Variants in IMMP2L observed in about 807,000 individuals in gnomAD.
IMMP2L encodes the protein mitochondrial inner membrane protease subunit 2.
IMMP2L carries 18 observed loss-of-function variants against 19.3 expected under a neutral mutation model. The ratio of observed to expected loss-of-function variants is 0.93; its 90% confidence interval spans 0.64 to 1.38. The LOEUF is 1.38. IMMP2L is among the 40% of genes most tolerant of loss of function. The probability of loss-of-function intolerance (pLI) is 0.00; values close to 1 mark genes in which losing one functional copy is unlikely to be tolerated. For synonymous variants in IMMP2L, 76 were observed against 73.0 expected, an observed-to-expected ratio of 1.04 and a Z score of -0.21; for missense variants, 233 against 218.2, an observed-to-expected ratio of 1.07 and a Z score of -0.43.
intron 3 of IMMP2L, among the ~76,000 whole-genome samples, chr7:111,191,298 G>A (rs1039655288): frequency 3.9e-5 from 6 of 151,900 alleles, no homozygotes; most frequent in African/African-American, 1.5e-4. Flanking sequence ...ATTTCATTTA[G>A]CCTCACAGAG....
chr7:111,441,130 GGCT>G (rs1837670045), intron 3 of IMMP2L, among the ~76,000 whole-genome samples: 1 of 151,816 alleles, frequency 6.6e-6, no homozygotes, highest in Non-Finnish European at 1.5e-5. Context: ...ACAGCAATAA[GGCT>G]ATTTCACTTT....
At chr7:110,714,776 T>C (rs1189408355) in intron 5 of IMMP2L, among the ~76,000 whole-genome samples, 1 of 152,140 alleles carries the variant, frequency 6.6e-6, no homozygotes, top group African/African-American at 2.4e-5. Flanking sequence ...TTTGTATTTT[T>C]AGTAGGGACA....
At chr7:110,920,296 G>A (rs1814123656) in intron 4 of IMMP2L, among the ~76,000 whole-genome samples, 1 of 152,154 alleles carries the variant, frequency 6.6e-6, no homozygotes, top group Non-Finnish European at 1.5e-5. Context: ...CCCTAATACA[G>A]TAGGTTTCTC....
Position 111,443,741 on chromosome 7 carries a change from T to G in IMMP2L, c.239+43497A>C, listed in dbSNP as rs1357033399. Among the ~76,000 whole-genome samples, 4 of 152,150 alleles carry G rather than the reference T, an allele frequency of 2.6e-5. 1 individual carries two copies. Among genetic ancestry groups the G allele is most frequent in the Non-Finnish European group, 5.9e-5 (4 of 68,016 alleles). ...TAATTCAAATATGTTCAGCTACCAC[T>G]CATTCTTCTTCCTATTTTTAAATGT... On this transcript the variant is annotated intron_variant, in intron 3 of 5. Transcript: ENST00000405709.
intron 3 of IMMP2L, among the ~76,000 whole-genome samples, chr7:111,074,387 A>T (rs1357937088): frequency 3.9e-5 from 6 of 152,200 alleles, no homozygotes; most frequent in African/African-American, 1.4e-4. Context: ...TAAACTTTTA[A>T]AGCAAGATTT....
chr7:111,082,331 A>C (rs1795952025), intron 3 of IMMP2L, among the ~76,000 whole-genome samples: 1 of 152,222 alleles, frequency 6.6e-6, no homozygotes. Context: ...TTACGTGGGC[A>C]AGCAAAGGAA....
chr7:110,753,143 C>A (rs907143635), intron 5 of IMMP2L, among the ~76,000 whole-genome samples: 11 of 152,006 alleles, frequency 7.2e-5, no homozygotes, highest in African/African-American at 2.4e-4. Context: ...GAAATCACTG[C>A]AAATATTTCC....
chr7:111,559,381 A>T (rs1373824663), intron 1 of IMMP2L, among the ~76,000 whole-genome samples: 1 of 152,192 alleles, frequency 6.6e-6, no homozygotes, highest in African/African-American at 2.4e-5. Flanking sequence ...CCAAAATGGA[A>T]ATCCTAAGTT....
chr7:111,434,863 AT>A (rs1836994844), intron 3 of IMMP2L, among the ~76,000 whole-genome samples: 1 of 151,884 alleles, frequency 6.6e-6, no homozygotes, highest in African/African-American at 2.4e-5. Flanking sequence ...CTGAACAGCC[AT>A]TTTTCAAAAG....
rs371685259 is a variant in IMMP2L at position 111,412,164 on chromosome 7, G to A, written c.239+75074C>T. ...CTAATAATGAAGCTTCAAAACACAT[G>A]AAGTAAAAACTAGAACTGAAAGGAA... is the stretch of plus-strand genomic sequence containing the variant. On this transcript the variant is annotated intron_variant, in intron 3 of 5. Transcript: ENST00000405709. Among the ~76,000 whole-genome samples the A allele has an allele frequency of 4.0e-4, 61 of 151,670 alleles. No individual in the cohort carries two copies. The East Asian group carries it at 0.01, about 25-fold the overall frequency.
intron 3 of IMMP2L, chr7:111,124,327 C>G (rs1801024895): frequency 6.2e-7 from 1 of 1,613,502 alleles, no homozygotes; most frequent in African/African-American, 1.3e-5. Flanking sequence ...ATCTTTTCCA[C>G]AAGATAACAA....
At chr7:111,143,776 G>C (rs1429967264) in intron 3 of IMMP2L, among the ~76,000 whole-genome samples, 1 of 152,088 alleles carries the variant, frequency 6.6e-6, no homozygotes, top group Admixed American at 6.6e-5. Context: ...TATTTATTGT[G>C]CTATCTACGT....
chr7:111,461,848 G>T (rs1840162438), intron 3 of IMMP2L, among the ~76,000 whole-genome samples: 3 of 151,908 alleles, frequency 2.0e-5, no homozygotes, highest in African/African-American at 7.2e-5. Context: ...TGTATCACTT[G>T]CAACGTCACA....
intron 3 of IMMP2L, among the ~76,000 whole-genome samples, chr7:111,350,779 G>C (rs1017549151): frequency 6.6e-6 from 1 of 152,032 alleles, no homozygotes; most frequent in Non-Finnish European, 1.5e-5. Flanking sequence ...TCACCATGAG[G>C]ACTTTGACCT....
chr7:111,514,071 G>A (rs1845674173), intron 2 of IMMP2L, among the ~76,000 whole-genome samples: 1 of 152,024 alleles, frequency 6.6e-6, no homozygotes, highest in Admixed American at 6.6e-5. Flanking sequence ...AGTATACAAA[G>A]TTTCAGTTAT....
intron 3 of IMMP2L, among the ~76,000 whole-genome samples, chr7:111,074,883 T>C (rs1795255386): frequency 6.6e-6 from 1 of 152,158 alleles, no homozygotes; most frequent in Admixed American, 6.5e-5. Flanking sequence ...AATCTATTTG[T>C]ACATAGAATC....
chr7:110,849,923 T>A (rs1806027644), intron 5 of IMMP2L, among the ~76,000 whole-genome samples: 2 of 152,084 alleles, frequency 1.3e-5, no homozygotes. Context: ...AAGTGTTCAG[T>A]AACTAAAATA....
intron 3 of IMMP2L, among the ~76,000 whole-genome samples, chr7:111,002,782 T>A (rs1281747262): frequency 1.3e-5 from 2 of 152,176 alleles, no homozygotes; most frequent in African/African-American, 2.4e-5. Context: ...TGATGAACTG[T>A]CTTAAGCATT....
intron 3 of IMMP2L, among the ~76,000 whole-genome samples, chr7:111,167,611 T>C (rs1586660256): frequency 1.3e-5 from 2 of 151,964 alleles, no homozygotes; most frequent in African/African-American, 4.8e-5. Context: ...CTTTAGTGTA[T>C]TGACGAACAT....
Sources: gnomAD v4.1 joint callset for allele counts (sites outside exome capture counted in the v4.1 genomes callset) on GRCh38, gnomAD v4.1.1 for gene constraint, MANE v1.5 for transcripts, NCBI Gene and HGNC (gene_info 2026-07-23, HGNC 2026-07-21) for gene names.